Variants in ZBED6 observed in about 807,000 individuals in gnomAD.
ZBED6 encodes zinc finger BED domain-containing protein 6.
A neutral mutation model predicts 58.4 loss-of-function variants in ZBED6; 40 were observed. The observed-to-expected ratio is 0.68, with a 90% CI of 0.53 to 0.89. The LOEUF is 0.89. Ranked by LOEUF, ZBED6 falls within the 40% of genes least tolerant of loss-of-function variation. The probability of loss-of-function intolerance (pLI) is 0.00; values close to 1 mark genes in which losing one functional copy is unlikely to be tolerated. For synonymous variants in ZBED6, 439 were observed against 350.6 expected (o/e 1.25, Z -2.82); for missense variants, 1,057 against 1,003.9 (o/e 1.05, Z -0.71).
intron 3 of ZBED6, among the ~76,000 whole-genome samples, chr1:203,827,337 A>G (rs1044457231): frequency 5.3e-5 from 8 of 151,120 alleles, no homozygotes; most frequent in Admixed American, 1.3e-4. Flanking sequence ...TCTATTCTAG[A>G]TGCACAGGTA....
intron 4 of ZBED6, 63 bp from the exon 5 acceptor site, chr1:203,829,388 A>T (rs1434578621): frequency 1.3e-6 from 2 of 1,560,690 alleles, no homozygotes; most frequent in Non-Finnish European, 1.8e-6. Context: ...GGTGGTCAGG[A>T]ATTTTTGGTA....
At chr1:203,835,558 C>G (rs1250784110) in intron 9 of ZBED6, 1 of 168,088 alleles carries the variant, frequency 5.9e-6, no homozygotes, top group Non-Finnish European at 1.4e-5. Flanking sequence ...CGCAAATCCA[C>G]TTTTACTGAC....
chr1:203,834,189 CT>C, intron 9 of ZBED6: 1 of 579,732 alleles, frequency 1.7e-6, no homozygotes, highest in Non-Finnish European at 2.2e-6. Context: ...ATGTGTGTCT[CT>C]TAGAATACAG....
intron 7 of ZBED6, 107 bp from the exon 8 acceptor site, chr1:203,831,554 A>AAT: frequency 1.2e-6 from 1 of 835,424 alleles, no homozygotes; most frequent in Middle Eastern, 3.5e-4. Flanking sequence ...TTATAGTCAT[A>AAT]ATATCAGTCT....
At chr1:203,796,319 A>C (rs538535697) in exon 1 of ZBED6, 1 of 398,240 alleles carries the variant, frequency 2.5e-6, no homozygotes, top group East Asian at 3.6e-5. Context: ...AGCTTGTCTC[A>C]AACTCCACAT....
chr1:203,822,563 G>T (rs185990523), intron 3 of ZBED6, among the ~76,000 whole-genome samples: 25 of 152,042 alleles, frequency 1.6e-4, no homozygotes, highest in African/African-American at 5.8e-4. Context: ...GGTTCCCTTG[G>T]GAATACCCTG....
exon 1 of ZBED6, chr1:203,797,265 A>G: frequency 6.8e-6 from 2 of 295,608 alleles, no homozygotes; most frequent in East Asian, 6.8e-5. Context: ...ACATGAGGAC[A>G]CTGGACTATT....
exon 1 of ZBED6, chr1:203,802,730 T>TTTTTG (rs1553258300): frequency 1.2e-4 from 17 of 146,136 alleles, no homozygotes; most frequent in South Asian, 4.3e-4. Flanking sequence ...TTTTGTTTTT[T>TTTTTG]TTTTGTTTTG....
At chr1:203,852,665 A>G (rs992734759) in exon 17 of ZBED6, 60 of 467,132 alleles carry the variant, frequency 1.3e-4, no homozygotes, top group Non-Finnish European at 2.2e-4. Flanking sequence ...CACAAAAAAG[A>G]GACTGAGAGG....
chr1:203,816,326 A>G (rs1288656172), intron 1 of ZBED6, among the ~76,000 whole-genome samples: 1 of 152,166 alleles, frequency 6.6e-6, no homozygotes, highest in Non-Finnish European at 1.5e-5. Context: ...ATATACATAT[A>G]TGTATAATGT....
At chr1:203,804,459 T>G (rs1030735507) in intron 1 of ZBED6, among the ~76,000 whole-genome samples, 5 of 151,940 alleles carry the variant, frequency 3.3e-5, no homozygotes, top group Non-Finnish European at 4.4e-5. Flanking sequence ...GCCCTTCCTG[T>G]ATATCTTTTT....
chr1:203,807,856 C>T (rs569701434), intron 1 of ZBED6, among the ~76,000 whole-genome samples: 22 of 152,200 alleles, frequency 1.4e-4, no homozygotes, highest in African/African-American at 5.1e-4. Context: ...ATCCTTCTGC[C>T]TCAGCGTCCC....
At chr1:203,818,469 A>G in intron 2 of ZBED6, 101 bp from the exon 3 acceptor site, 3 of 1,484,722 alleles carry the variant, frequency 2.0e-6, no homozygotes, top group Non-Finnish European at 1.8e-6. Flanking sequence ...GTCCTTTCTT[A>G]CTCATTTGTG....
chr1:203,828,826 G>A (rs1423555333), intron 4 of ZBED6, among the ~76,000 whole-genome samples: 1 of 152,188 alleles, frequency 6.6e-6, no homozygotes, highest in Non-Finnish European at 1.5e-5. Context: ...ATAGAATTGA[G>A]TAGTTGAGAC....
intron 3 of ZBED6, among the ~76,000 whole-genome samples, chr1:203,824,920 C>T (rs1315422512): frequency 6.6e-6 from 1 of 151,258 alleles, no homozygotes; most frequent in East Asian, 1.9e-4. Flanking sequence ...ACTAAAAATA[C>T]AAAAAAATTA....
At chr1:203,809,274 C>T (rs1673501820) in intron 1 of ZBED6, among the ~76,000 whole-genome samples, 1 of 134,258 alleles carries the variant, frequency 7.4e-6, no homozygotes, top group African/African-American at 2.8e-5. Context: ...CTCCAGGGTT[C>T]AAGCGATTCT....
intron 10 of ZBED6, among the ~76,000 whole-genome samples, chr1:203,839,204 A>G (rs1685314974): frequency 6.6e-6 from 1 of 152,062 alleles, no homozygotes; most frequent in Non-Finnish European, 1.5e-5. Flanking sequence ...TGGGAGTTAG[A>G]TTTTTGTTTT....
intron 11 of ZBED6, among the ~76,000 whole-genome samples, chr1:203,841,470 G>A (rs971286860): frequency 2.0e-5 from 3 of 152,190 alleles, no homozygotes; most frequent in Non-Finnish European, 4.4e-5. Flanking sequence ...ACGGGGTTGG[G>A]AGTAAAGTTA....
intron 1 of ZBED6, chr1:203,805,757 C>T (rs1017554569): frequency 4.4e-6 from 3 of 678,438 alleles, no homozygotes; most frequent in East Asian, 3.5e-5. Flanking sequence ...GCCACAAGCT[C>T]ATCACCCAGT....
Sources: allele counts gnomAD v4.1 joint callset (sites outside exome capture counted in the v4.1 genomes callset), GRCh38; gene constraint gnomAD v4.1.1; transcripts MANE v1.5; gene names NCBI Gene and HGNC (gene_info 2026-07-23, HGNC 2026-07-21).